The following CADPS variants were observed in gnomAD, a reference collection of about 807,000 sequenced individuals.
CADPS encodes calcium-dependent secretion activator 1.
Under a neutral mutation model 167.3 loss-of-function variants are expected in CADPS, and 57 were observed. That is an observed-to-expected ratio of 0.34 (90% CI 0.28 to 0.42). The LOEUF is 0.42. CADPS is among the 20% of genes least tolerant of loss of function. CADPS has a pLI of 1.00. For synonymous variants in CADPS, 676 were observed against 635.3 expected, an observed-to-expected ratio of 1.06 and a Z score of -0.96; for missense variants, 1,414 against 1,738.1, an observed-to-expected ratio of 0.81 and a Z score of 3.32.
chr3:62,499,125 G>A, intron 18 of CADPS, 37 bp downstream of exon 18: 1 of 1,316,028 alleles, frequency 7.6e-7, no homozygotes, highest in Non-Finnish European at 1.1e-6. Context: ...GCTCAGCTAA[G>A]GGACAGTAAG....
chr3:62,615,503 C>T lies in CADPS; in HGVS notation c.1326-22755G>A, dbSNP rs555958630. On this transcript the variant is annotated intron_variant, in intron 6 of 29. Transcript: ENST00000383710. ...CTCATTCAGTAAATTAATAATTGAA[C>T]CTGAGTTGAATGAATGTTGATTATT... 2.6e-5 allele frequency among the ~76,000 whole-genome samples: 4 copies of T among 152,220 alleles called. No individual in the cohort carries two copies. In the East Asian group the frequency reaches 7.7e-4, roughly 29 times the overall value.
intron 28 of CADPS, among the ~76,000 whole-genome samples, chr3:62,434,318 T>C (rs2054556983): frequency 1.3e-5 from 2 of 152,318 alleles, no homozygotes; most frequent in South Asian, 2.1e-4. Flanking sequence ...TGAAATATTA[T>C]GGGAAACAGT....
intron 26 of CADPS, among the ~76,000 whole-genome samples, chr3:62,451,098 A>G (rs2057981021): frequency 6.6e-6 from 1 of 152,158 alleles, no homozygotes; most frequent in Non-Finnish European, 1.5e-5. Flanking sequence ...GGACTTGAAT[A>G]CATTTGAGTC....
intron 1 of CADPS, among the ~76,000 whole-genome samples, chr3:62,801,568 G>A (rs2152807862): frequency 6.6e-6 from 1 of 152,230 alleles, no homozygotes; most frequent in South Asian, 2.1e-4. Flanking sequence ...AGCTGTAAAT[G>A]AAATCTGTGG....
intron 8 of CADPS, among the ~76,000 whole-genome samples, chr3:62,576,701 G>C (rs1191342454): frequency 7.5e-6 from 1 of 133,878 alleles, no homozygotes; most frequent in Non-Finnish European, 1.5e-5. Flanking sequence ...TGAGGTACGA[G>C]AATCAGTTGA....
At chr3:62,428,863 G>C (rs1384924743) in intron 28 of CADPS, among the ~76,000 whole-genome samples, 1 of 152,192 alleles carries the variant, frequency 6.6e-6, no homozygotes, top group Non-Finnish European at 1.5e-5. Flanking sequence ...GCTGCTACTG[G>C]TGTCTAGAGT....
At position 62,737,171 on chromosome 3, in the gene CADPS, A is replaced by C. The variant is rs147109851; in HGVS notation, c.888+16270T>G. 3.8e-4 allele frequency among the ~76,000 whole-genome samples: 58 copies of C among 151,576 alleles called. No homozygotes were observed. In the East Asian group the frequency reaches 8.7e-3, roughly 23 times the overall value. On this transcript the variant is annotated intron_variant, in intron 3 of 29. Coordinates refer to ENST00000383710, the MANE Select transcript of CADPS (RefSeq NM_003716.4). Reference sequence around the variant, plus strand: ...AACAAAACAAACAAACACACACACAAAAATAACCCCCACAATCTAAGTAAA... The same window carrying C: ...AACAAAACAAACAAACACACACACACAAATAACCCCCACAATCTAAGTAAA...
At chr3:62,459,140 A>G (rs1300972466) in intron 26 of CADPS, among the ~76,000 whole-genome samples, 1 of 152,218 alleles carries the variant, frequency 6.6e-6, no homozygotes, top group African/African-American at 2.4e-5. Context: ...TCAGTGTTTA[A>G]GACTTCTCTA....
intron 28 of CADPS, among the ~76,000 whole-genome samples, chr3:62,424,417 T>C (rs1289393985): frequency 6.6e-6 from 1 of 152,090 alleles, no homozygotes; most frequent in African/African-American, 2.4e-5. Flanking sequence ...TCTCCTGACC[T>C]CGTGATTTGC....
At position 62,478,443 on chromosome 3, in the gene CADPS, G is replaced by C; in HGVS notation, c.3174-27C>G. The stretch of plus-strand genomic sequence containing the variant: ...TGGCAGGACAAAAATTAGAAAATGA[G>C]AGTCACCCACTGGCCTCAGGCTCTA... On this transcript the variant is annotated intron_variant, in intron 22 of 29. Transcript: ENST00000383710. The surrounding 1 kb of genome is among the most constrained non-coding windows in gnomAD (Gnocchi z 5.7). The C allele has an allele frequency of 6.2e-7, 1 of 1,603,426 alleles. No individual in the cohort carries two copies. The highest frequency in any genetic ancestry group is 8.5e-7 in the Non-Finnish European group (1 of 1,174,032).
Position 62,692,960 on chromosome 3 carries a change from C to T in CADPS, c.889-30566G>A, listed in dbSNP as rs181371504. Among the ~76,000 whole-genome samples, 23 of 152,044 alleles carry T rather than the reference C, an allele frequency of 1.5e-4. 1 individual carries two copies. Among genetic ancestry groups the T allele is most frequent in the East Asian group, 7.8e-4 (4 of 5,160 alleles). The stretch of plus-strand genomic sequence containing the variant: ...TAGATGATGTGACCTCTACAAAGCT[C>T]GCTAATATCACCTCTCATCTTGAGG... On this transcript the variant is annotated intron_variant, in intron 3 of 29. Coordinates refer to ENST00000383710, the MANE Select transcript of CADPS (RefSeq NM_003716.4).
At chr3:62,608,633 G>T (rs533893128) in intron 6 of CADPS, among the ~76,000 whole-genome samples, 1 of 152,086 alleles carries the variant, frequency 6.6e-6, no homozygotes, top group African/African-American at 2.4e-5. Flanking sequence ...TTTAAAAGAC[G>T]TATAATTAAA....
intron 6 of CADPS, among the ~76,000 whole-genome samples, chr3:62,645,105 A>T (rs1266717247): frequency 6.6e-6 from 1 of 152,166 alleles, no homozygotes; most frequent in Non-Finnish European, 1.5e-5. Context: ...TTAGACAAAA[A>T]CCCAAATATC....
Position 62,536,441 on chromosome 3 carries a change from T to C in CADPS, c.2103+4A>G. The C allele has an allele frequency of 6.2e-7, 1 of 1,612,294 alleles. No homozygotes were observed. Among genetic ancestry groups the C allele is most frequent in the Non-Finnish European group, 8.5e-7 (1 of 1,178,818 alleles). On this transcript the variant is annotated splice_donor_region_variant and intron_variant, in intron 12 of 29. Coordinates refer to ENST00000383710, the MANE Select transcript of CADPS (RefSeq NM_003716.4). ...AATTGCTGTAGACCAAAGAATATACTTGCCAGGCAAGAATAGGAATCATTA... is the reference window on the plus strand; with the variant it reads ...AATTGCTGTAGACCAAAGAATATACCTGCCAGGCAAGAATAGGAATCATTA...
chr3:62,738,000 A>G (rs2079363610), intron 3 of CADPS, among the ~76,000 whole-genome samples: 2 of 151,856 alleles, frequency 1.3e-5, no homozygotes, highest in South Asian at 4.2e-4. Context: ...GTTTTTTGAG[A>G]GCAGAAATCT....
chr3:62,826,484 A>G (rs1421268270), intron 1 of CADPS, among the ~76,000 whole-genome samples: 1 of 152,190 alleles, frequency 6.6e-6, no homozygotes, highest in Non-Finnish European at 1.5e-5. Flanking sequence ...AACTGTATGT[A>G]AATGTACATT....
intron 3 of CADPS, among the ~76,000 whole-genome samples, chr3:62,730,781 T>C (rs2077623708): frequency 6.6e-6 from 1 of 152,240 alleles, no homozygotes; most frequent in South Asian, 2.1e-4. Context: ...TGACGTCTTC[T>C]GGCAAAATTG....
chr3:62,628,209 G>A (rs1411470889), intron 6 of CADPS, among the ~76,000 whole-genome samples: 1 of 152,156 alleles, frequency 6.6e-6, no homozygotes, highest in Non-Finnish European at 1.5e-5. Context: ...TTGTATTACT[G>A]CAACAGTGAA....
At chr3:62,822,892 C>T (rs899277213) in intron 1 of CADPS, among the ~76,000 whole-genome samples, 3 of 151,734 alleles carry the variant, frequency 2.0e-5, no homozygotes, top group Admixed American at 6.6e-5. Flanking sequence ...AAAAGAGACA[C>T]GTCTTGGCTG....
Sources: gnomAD v4.1 joint callset for allele counts (sites outside exome capture counted in the v4.1 genomes callset) on GRCh38, gnomAD v4.1.1 for gene constraint, Gnocchi (gnomAD v3.1) non-coding constraint, MANE v1.5 for transcripts, NCBI Gene and HGNC (gene_info 2026-07-23, HGNC 2026-07-21) for gene names.